ANK3: variants seen among roughly 807,000 people sequenced by gnomAD.
ANK3 encodes ankyrin-3.
A neutral mutation model predicts 370.9 loss-of-function variants in ANK3; 57 were observed. The ratio of observed to expected loss-of-function variants is 0.15; its 90% CI spans 0.12 to 0.19. The LOEUF (loss-of-function observed/expected upper bound fraction) is 0.19. Ranked by LOEUF, ANK3 falls within the 10% of genes least tolerant of loss-of-function variation. The pLI is 1.00. For missense variants in ANK3, 4,439 were observed against 5,302.1 expected, an observed-to-expected ratio of 0.84 and a Z score of 5.06; for synonymous variants, 1,929 against 1,946.3, an observed-to-expected ratio of 0.99 and a Z score of 0.23.
chr10:60,685,130 T>A (rs777475407), intron 1 of ANK3: 4 of 839,788 alleles, frequency 4.8e-6, no homozygotes, highest in Admixed American at 5.1e-5. Context: ...GGTCTGATTT[T>A]GACAAATGGA....
chr10:60,248,465 A>G (rs533506847), intron 7 of ANK3, among the ~76,000 whole-genome samples: 4 of 152,366 alleles, frequency 2.6e-5, no homozygotes, highest in East Asian at 1.9e-4. Context: ...ATTTGGGGGC[A>G]CTAAAGATTG....
chr10:60,477,020 T>C (rs1253996137), intron 2 of ANK3, among the ~76,000 whole-genome samples: 1 of 152,102 alleles, frequency 6.6e-6, no homozygotes. Context: ...AAAAATCTTC[T>C]AGAACACCCA....
intron 2 of ANK3, among the ~76,000 whole-genome samples, chr10:60,418,711 G>T (rs146629406): frequency 2.2e-4 from 33 of 149,090 alleles, no homozygotes; most frequent in African/African-American, 6.9e-4. Context: ...ACATACTTAC[G>T]CTAGAAAAAA....
At chr10:60,425,100 T>A (rs1437044859) in intron 2 of ANK3, among the ~76,000 whole-genome samples, 1 of 151,988 alleles carries the variant, frequency 6.6e-6, no homozygotes, top group Non-Finnish European at 1.5e-5. Flanking sequence ...GAAATACATT[T>A]CAGGGTAGAG....
At chr10:60,343,491 G>A (rs4456215) in intron 1 of ANK3, among the ~76,000 whole-genome samples, 106,021 of 151,942 alleles carry the variant, frequency 0.7, 38,264 homozygotes, top group South Asian at 0.92. Flanking sequence ...AGGAAAGAAA[G>A]GGGAGTATAA....
upstream of ANK3, among the ~76,000 whole-genome samples, chr10:60,390,641 C>T (rs2063014163): frequency 6.6e-6 from 1 of 151,698 alleles, no homozygotes; most frequent in African/African-American, 2.4e-5. Flanking sequence ...TGCACACATA[C>T]TACACAGTAT....
At chr10:60,246,416 T>C (rs1010454449) in intron 7 of ANK3, among the ~76,000 whole-genome samples, 5 of 152,176 alleles carry the variant, frequency 3.3e-5, no homozygotes, top group Non-Finnish European at 5.9e-5. Flanking sequence ...TGTTTGCTTA[T>C]TCTACACCAA....
intron 28 of ANK3, among the ~76,000 whole-genome samples, chr10:60,099,762 G>GA (rs145436692): frequency 0.024 from 3,623 of 152,198 alleles, 70 homozygotes; most frequent in Admixed American, 0.064. Flanking sequence ...TAAACACAAT[G>GA]AATCAATAAC....
At chr10:60,672,186 C>T (rs1044399235) in intron 1 of ANK3, among the ~76,000 whole-genome samples, 1 of 152,172 alleles carries the variant, frequency 6.6e-6, no homozygotes, top group Non-Finnish European at 1.5e-5. Context: ...TTGTAATTTC[C>T]TGAGCAGAGG....
intron 1 of ANK3, among the ~76,000 whole-genome samples, chr10:60,634,350 C>T (rs2078523384): frequency 1.3e-5 from 2 of 152,008 alleles, no homozygotes; most frequent in Admixed American, 1.3e-4. Context: ...TGATTTATAC[C>T]ATGAGTAAAA....
rs914181675 is a variant in ANK3 at position 60,085,468 on chromosome 10, TA to T, written c.3749-216del. 4.7e-3 allele frequency among the ~76,000 whole-genome samples: 718 copies of T among 151,858 alleles called. 9 individuals carry two copies. The highest frequency in any genetic ancestry group is 0.016 in the African/African-American group (659 of 41,440). On this transcript the variant is annotated intron_variant, in intron 30 of 43. Transcript: ENST00000280772. ...ATTTCCTTGTAAGATGATATTAAAT[TA>T]AAAAAAAATTCCTTGTTTTTTGTCT...
chr10:60,286,101 C>T (rs542799499), intron 1 of ANK3, among the ~76,000 whole-genome samples: 26 of 152,168 alleles, frequency 1.7e-4, no homozygotes, highest in African/African-American at 6.0e-4. Flanking sequence ...AAAGAAAAAT[C>T]ATAACATAAA....
intron 2 of ANK3, among the ~76,000 whole-genome samples, chr10:60,406,464 C>A (rs2063458434): frequency 6.6e-6 from 1 of 152,164 alleles, no homozygotes; most frequent in Admixed American, 6.5e-5. Context: ...TAGTTAGATT[C>A]TCATAAAGGG....
chr10:60,723,985 C>CTGA (rs771568083), intron 1 of ANK3, among the ~76,000 whole-genome samples: 3 of 149,992 alleles, frequency 2.0e-5, no homozygotes, highest in Admixed American at 1.3e-4. Context: ...CCGAGGCGGG[C>CTGA]TGATCACGAG....
At chr10:60,366,320 C>A (rs2059383857) in intron 1 of ANK3, among the ~76,000 whole-genome samples, 1 of 152,058 alleles carries the variant, frequency 6.6e-6, no homozygotes, top group Non-Finnish European at 1.5e-5. Context: ...GTGACAGAGA[C>A]AGACTCTGTC....
chr10:60,057,204 A>G (rs2079371651), intron 41 of ANK3, among the ~76,000 whole-genome samples: 1 of 152,102 alleles, frequency 6.6e-6, no homozygotes. Flanking sequence ...AGGGTTGCAC[A>G]CCCTTTTCTA....
chr10:60,301,724 A>G (rs1190323885), intron 1 of ANK3, among the ~76,000 whole-genome samples: 1 of 151,990 alleles, frequency 6.6e-6, no homozygotes, highest in African/African-American at 2.4e-5. Flanking sequence ...GCCCAGATAA[A>G]TATTTTTTAC....
At chr10:60,703,881 G>A (rs554867762) in intron 1 of ANK3, among the ~76,000 whole-genome samples, 4 of 152,160 alleles carry the variant, frequency 2.6e-5, no homozygotes, top group African/African-American at 4.8e-5. Context: ...CCAGGTGTTC[G>A]TGCCCTTGTG....
intron 41 of ANK3, among the ~76,000 whole-genome samples, chr10:60,057,934 C>A (rs1432425859): frequency 6.6e-6 from 1 of 152,094 alleles, no homozygotes; most frequent in Non-Finnish European, 1.5e-5. Context: ...TTTGTAAACT[C>A]CCTCTTTGGG....
Sources: allele counts gnomAD v4.1 joint callset (sites outside exome capture counted in the v4.1 genomes callset), GRCh38; gene constraint gnomAD v4.1.1; transcripts MANE v1.5; gene names NCBI Gene and HGNC (gene_info 2026-07-23, HGNC 2026-07-21).